Variants in SYNPO observed in about 807,000 individuals in gnomAD.
SYNPO encodes synaptopodin.
Under a neutral mutation model 49.5 loss-of-function variants are expected in SYNPO, and 19 were observed. That is an observed-to-expected ratio of 0.38 (90% CI 0.27 to 0.56). SYNPO has a LOEUF of 0.56. Ranked by LOEUF, SYNPO falls within the 20% of genes least tolerant of loss-of-function variation. The probability of loss-of-function intolerance (pLI) is 0.68; values close to 1 mark genes in which losing one functional copy is unlikely to be tolerated. For synonymous variants in SYNPO, 536 were observed against 548.0 expected (o/e 0.98, Z 0.31); for missense variants, 1,131 against 1,248.3 (o/e 0.91, Z 1.42).
upstream of SYNPO, among the ~76,000 whole-genome samples, chr5:150,637,570 G>C (rs1328037014): frequency 2.0e-5 from 3 of 152,226 alleles, no homozygotes; most frequent in African/African-American, 7.2e-5. Flanking sequence ...GAGCGCGCCT[G>C]AGACCCCGTC....
In SYNPO at chr5:150,646,748, A is replaced by T. The variant is rs75106898; in HGVS notation, c.-332-1196A>T. On this transcript the variant is annotated intron_variant, in intron 1 of 2. Coordinates refer to ENST00000307662, the MANE Select transcript of SYNPO (RefSeq NM_007286.6). ...TCAAAAAAATAAATAAATACAAATT[A>T]AAAAAAGCAGACGGTGGTTTATTAA... Among the ~76,000 whole-genome samples, 337 of 142,820 alleles carry T rather than the reference A, an allele frequency of 2.4e-3. 1 individual carries two copies. The highest frequency in any genetic ancestry group is 8.8e-3 in the African/African-American group (284 of 32,420). The allele number at this position is 142,820 out of a possible 152,430, so 93.7% of individuals were successfully genotyped here.
intron 2 of SYNPO, chr5:150,651,127 A>G (rs1230546439): frequency 2.2e-5 from 24 of 1,068,266 alleles, no homozygotes; most frequent in Non-Finnish European, 2.7e-5. Flanking sequence ...GGAGAAGGAG[A>G]GCCCTGTAGG....
At chr5:150,633,947 A>G (rs1202561844) in intron 2 of SYNPO, among the ~76,000 whole-genome samples, 1 of 151,888 alleles carries the variant, frequency 6.6e-6, no homozygotes, top group Non-Finnish European at 1.5e-5. Flanking sequence ...CATAGTGAAA[A>G]CGCACCTCTA....
intron 1 of SYNPO, among the ~76,000 whole-genome samples, chr5:150,610,812 A>AATCTTATTT (rs1756825968): frequency 6.6e-6 from 1 of 152,218 alleles, no homozygotes; most frequent in African/African-American, 2.4e-5. Context: ...TAACATATGA[A>AATCTTATTT]ATCTTATTTT....
chr5:150,616,973 C>A (rs1220093348), intron 1 of SYNPO, among the ~76,000 whole-genome samples: 1 of 152,122 alleles, frequency 6.6e-6, no homozygotes, highest in Non-Finnish European at 1.5e-5. Flanking sequence ...CATTTTAAGG[C>A]TTCTTTATCC....
chr5:150,604,214 TAG>T (rs1756629807), intron 1 of SYNPO, among the ~76,000 whole-genome samples: 1 of 152,228 alleles, frequency 6.6e-6, no homozygotes, highest in Non-Finnish European at 1.5e-5. Flanking sequence ...GGCACGGTTA[TAG>T]AGAGATCTGC....
chr5:150,590,825 C>A, the SYNPO span, among the ~76,000 whole-genome samples: 38 of 152,110 alleles, frequency 2.5e-4, no homozygotes, highest in Non-Finnish European at 3.8e-4. Flanking sequence ...CTGGTAATGA[C>A]AATAAAGAAG....
Position 150,649,175 on chromosome 5 carries a change from G to A in SYNPO, c.900G>A (p.Met300Ile). The A allele has an allele frequency of 6.2e-7, 1 of 1,614,118 alleles. No homozygotes were observed. Residue 300 changes from methionine to isoleucine, a missense_variant, in exon 2 of 3, where the codon ATG (methionine) becomes ATA (isoleucine). Physicochemically the swap from Met to Ile is conservative, Grantham distance 10. Around this residue, in one of 4 missense-constraint regions of SYNPO, gnomAD observed 602 missense variants for 720.7 expected, o/e 0.84. Transcript: ENST00000307662. ...SRSPMVERRM[M>I]GQRSPASERR... The stretch of plus-strand genomic sequence containing the variant: ...GCCCCATGGTGGAAAGGAGGATGAT[G>A]GGGCAGCGAAGCCCGGCCTCAGAGA...
chr5:150,646,505 C>T (rs1213103822), intron 1 of SYNPO, among the ~76,000 whole-genome samples: 1 of 151,688 alleles, frequency 6.6e-6, no homozygotes, highest in Non-Finnish European at 1.5e-5. Flanking sequence ...GGATCACTTG[C>T]GCCCACCTGA....
intron 2 of SYNPO, among the ~76,000 whole-genome samples, chr5:150,632,700 A>T (rs1757581589): frequency 6.6e-6 from 1 of 152,232 alleles, no homozygotes; most frequent in African/African-American, 2.4e-5. Context: ...TAGCCCAGTG[A>T]CGTCTTTCCC....
At chr5:150,624,587 T>G (rs1581473517) in intron 2 of SYNPO, 1 of 86,974 alleles carries the variant, frequency 1.1e-5, no homozygotes, top group South Asian at 4.3e-4. Flanking sequence ...GCTGAGCGGG[T>G]GGAGGAGGGA....
At chr5:150,609,328 CTT>C (rs987315599) in intron 1 of SYNPO, among the ~76,000 whole-genome samples, 6 of 152,182 alleles carry the variant, frequency 3.9e-5, no homozygotes, top group African/African-American at 1.4e-4. Context: ...GAGTTTCACT[CTT>C]GTCGCCCAGG....
At chr5:150,647,278 G>T (rs2151420084) in intron 1 of SYNPO, among the ~76,000 whole-genome samples, 1 of 151,416 alleles carries the variant, frequency 6.6e-6, no homozygotes, top group African/African-American at 2.4e-5. Context: ...CAAGGTCATT[G>T]CCCCTTGGAG....
intron 1 of SYNPO, among the ~76,000 whole-genome samples, chr5:150,603,243 G>T (rs1446281359): frequency 6.6e-6 from 1 of 152,262 alleles, no homozygotes; most frequent in Non-Finnish European, 1.5e-5. Flanking sequence ...GGGTGGGTAG[G>T]CGAGAGGCCA....
At chr5:150,620,905 C>CTTTA (rs1757138673) in intron 2 of SYNPO, among the ~76,000 whole-genome samples, 3 of 115,478 alleles carry the variant, frequency 2.6e-5, no homozygotes, top group African/African-American at 1.2e-4. Context: ...TTTTCTCTTT[C>CTTTA]TTTCTTTCTT....
intron 2 of SYNPO, among the ~76,000 whole-genome samples, chr5:150,626,611 C>T (rs1757366071): frequency 6.6e-6 from 1 of 152,212 alleles, no homozygotes; most frequent in African/African-American, 2.4e-5. Context: ...CCTCCCTAGT[C>T]AGCTGTTGCC....
chr5:150,588,564 C>G, the SYNPO span, among the ~76,000 whole-genome samples: 1 of 152,028 alleles, frequency 6.6e-6, no homozygotes, highest in Admixed American at 6.6e-5. Context: ...CCCCAGACAC[C>G]CAGGATTGTG....
upstream of SYNPO, among the ~76,000 whole-genome samples, chr5:150,596,423 A>C (rs1756425226): frequency 6.6e-6 from 1 of 151,986 alleles, no homozygotes; most frequent in African/African-American, 2.4e-5. Flanking sequence ...GAAATTCTAC[A>C]TCTGGCTTTT....
At chr5:150,587,163 G>C in the SYNPO span, among the ~76,000 whole-genome samples, 8 of 152,040 alleles carry the variant, frequency 5.3e-5, no homozygotes, top group African/African-American at 1.9e-4. Flanking sequence ...GGGGTACATG[G>C]GTGGATATAT....
Sources: gnomAD v4.1 joint callset for allele counts (sites outside exome capture counted in the v4.1 genomes callset) on GRCh38, gnomAD v4.1.1 for gene constraint, gnomAD v4.1.1 regional missense constraint, MANE v1.5 for transcripts, NCBI Gene and HGNC (gene_info 2026-07-23, HGNC 2026-07-21) for gene names.